The following DOCK9 variants were observed in gnomAD, a reference collection of about 807,000 sequenced individuals.
The protein encoded by DOCK9 is dedicator of cytokinesis protein 9.
DOCK9 carries 89 observed loss-of-function variants against 263.3 expected under a neutral mutation model. That is an observed-to-expected ratio of 0.34 (90% CI 0.28 to 0.40). The LOEUF (loss-of-function observed/expected upper bound fraction) is 0.40, where lower values mean the gene tolerates loss of function less well. Among genes scored for constraint, DOCK9 ranks in the 10% least tolerant of loss-of-function variants. DOCK9 has a pLI of 1.00. For missense variants in DOCK9, 2,140 were observed against 2,603.4 expected (o/e 0.82, Z 3.87); for synonymous variants, 976 against 973.1 (o/e 1.00, Z -0.06).
chr13:98,837,354 A>G, intron 39 of DOCK9, 140 bp downstream of exon 39: 1 of 603,210 alleles, frequency 1.7e-6, no homozygotes, highest in South Asian at 2.0e-5. Flanking sequence ...AGGAATTTAA[A>G]GATTAATGGT....
chr13:99,081,964 T>C (rs1299296655), intron 1 of DOCK9, among the ~76,000 whole-genome samples: 2 of 152,210 alleles, frequency 1.3e-5, no homozygotes, highest in Admixed American at 6.5e-5. Flanking sequence ...GGGCTGGGTA[T>C]GCTGGCTCGC....
chr13:98,806,781 T>C (rs1410910610), intron 48 of DOCK9, among the ~76,000 whole-genome samples: 1 of 151,940 alleles, frequency 6.6e-6, no homozygotes, highest in Non-Finnish European at 1.5e-5. Flanking sequence ...TGGTGGCGCG[T>C]TCCTGTAATC....
intron 1 of DOCK9, among the ~76,000 whole-genome samples, chr13:99,036,882 G>A (rs962627619): frequency 5.9e-5 from 9 of 152,170 alleles, no homozygotes; most frequent in East Asian, 3.9e-4. Flanking sequence ...CACTAACACC[G>A]AAACAACTAA....
At chr13:98,851,984 G>C (rs2093587313) in intron 35 of DOCK9, among the ~76,000 whole-genome samples, 1 of 152,086 alleles carries the variant, frequency 6.6e-6, no homozygotes, top group African/African-American at 2.4e-5. Flanking sequence ...AGAGGTGGTT[G>C]CATTTTAAAA....
intron 1 of DOCK9, among the ~76,000 whole-genome samples, chr13:99,059,104 C>A (rs1265821158): frequency 1.3e-5 from 2 of 152,240 alleles, no homozygotes; most frequent in Non-Finnish European, 2.9e-5. Context: ...TACACACTCA[C>A]CACTAGAAAT....
intron 1 of DOCK9, among the ~76,000 whole-genome samples, chr13:99,026,672 C>G (rs1464218392): frequency 6.6e-6 from 1 of 152,124 alleles, no homozygotes; most frequent in Non-Finnish European, 1.5e-5. Context: ...ACAAAATTTT[C>G]ATCTCTGCTT....
chr13:98,886,222 G>T (rs1268947350), intron 19 of DOCK9, among the ~76,000 whole-genome samples: 3 of 152,106 alleles, frequency 2.0e-5, no homozygotes, highest in Non-Finnish European at 4.4e-5. Flanking sequence ...AGATTCTCAG[G>T]TCCAACAAAT....
rs1179728599 is a variant in DOCK9, at chr13:98,862,908, G to T, written c.3579+111C>A. On this transcript the variant is annotated intron_variant, in intron 32 of 52. Transcript: ENST00000682017. ...CTTGATTTTGGACTTCTGGACTCCT[G>T]ACTGGGAGAGAATAAACTGCTGCTG... 5 of 897,838 alleles carry T rather than the reference G, an allele frequency of 5.6e-6. No homozygotes were observed. The African/African-American group carries it at 6.6e-5, about 12-fold the overall frequency. 55.6% of individuals were successfully genotyped at this position (897,838 alleles called of 1,614,324 possible).
intron 2 of DOCK9, among the ~76,000 whole-genome samples, chr13:98,932,553 T>C (rs1400613265): frequency 2.0e-5 from 3 of 152,210 alleles, no homozygotes; most frequent in African/African-American, 7.2e-5. Flanking sequence ...GTCCTGGCAG[T>C]TTCCTTTCTT....
At chr13:99,014,619 G>A (rs1885091133) in intron 1 of DOCK9, among the ~76,000 whole-genome samples, 1 of 152,210 alleles carries the variant, frequency 6.6e-6, no homozygotes, top group African/African-American at 2.4e-5. Context: ...ATTTCTGCAT[G>A]CTTCGCTGTA....
chr13:98,950,617 T>C (rs2140881413), intron 2 of DOCK9, among the ~76,000 whole-genome samples: 1 of 152,350 alleles, frequency 6.6e-6, no homozygotes, highest in African/African-American at 2.4e-5. Context: ...ACGCTCTTTT[T>C]ATCCTTCCAT....
At chr13:98,860,304 C>G (rs1333645556) in intron 33 of DOCK9, 101 bp downstream of exon 33, 2 of 1,517,286 alleles carry the variant, frequency 1.3e-6, no homozygotes, top group Non-Finnish European at 8.9e-7. Flanking sequence ...ACTTAGACTT[C>G]AAGGTCCTAC....
intron 1 of DOCK9, among the ~76,000 whole-genome samples, chr13:99,085,207 C>T (rs7327253): frequency 0.22 from 32,813 of 152,016 alleles, 3,558 homozygotes; most frequent in Middle Eastern, 0.31. Flanking sequence ...CACTCTGCCC[C>T]GACAATCCCC....
At chr13:99,047,185 C>T (rs2390184) in intron 1 of DOCK9, among the ~76,000 whole-genome samples, 43,784 of 152,050 alleles carry the variant, frequency 0.29, 6,659 homozygotes, top group East Asian at 0.43. Context: ...TTGAAATACA[C>T]GCCAGCTGAC....
At chr13:99,015,893 C>T (rs1004414895) in intron 1 of DOCK9, 76 of 617,616 alleles carry the variant, frequency 1.2e-4, no homozygotes, top group Non-Finnish European at 1.6e-4. Context: ...TAGCTGATTG[C>T]TTCACTCTTA....
intron 1 of DOCK9, among the ~76,000 whole-genome samples, chr13:98,995,581 C>T (rs867081718): frequency 1.3e-5 from 2 of 151,080 alleles, no homozygotes; most frequent in South Asian, 4.2e-4. Context: ...CTCCGCCCCC[C>T]GAGTTCACAC....
intron 33 of DOCK9, chr13:98,859,949 G>A (rs972322389): frequency 5.7e-5 from 9 of 158,466 alleles, no homozygotes; most frequent in Non-Finnish European, 9.5e-5. Context: ...AAAGTCTTGC[G>A]GGACAGAAGA....
rs71114576 is a variant in DOCK9, at chr13:99,060,062, C to CTTTTTT, written c.129+26155_129+26160dup. Among the ~76,000 whole-genome samples the CTTTTTT allele has an allele frequency of 1.9e-3, 119 of 61,466 alleles. 11 individuals carry two copies. Among genetic ancestry groups the CTTTTTT allele is most frequent in the South Asian group, 9.9e-3 (13 of 1,310 alleles). The allele number at this position is 61,466 out of a possible 152,430, so 40.3% of individuals were successfully genotyped here. On this transcript the variant is annotated intron_variant, in intron 1 of 32. Coordinates refer to the DOCK9 transcript ENST00000427887. ...AGTTACAGACATTTGATTGTTTCTA[C>CTTTTTT]TTTTTTTTTTTTTTTTTTTTTTTTT...
At chr13:98,845,244 T>C in intron 38 of DOCK9, 1 of 961,848 alleles carries the variant, frequency 1.0e-6, no homozygotes, top group South Asian at 1.4e-5. Flanking sequence ...AGCCCCAAAG[T>C]TAGGAAGGCA....
Sources: gnomAD v4.1 joint callset for allele counts (sites outside exome capture counted in the v4.1 genomes callset) on GRCh38, gnomAD v4.1.1 for gene constraint, MANE v1.5 for transcripts, NCBI Gene and HGNC (gene_info 2026-07-23, HGNC 2026-07-21) for gene names.